FHDC1: variants seen among roughly 807,000 people sequenced by gnomAD.
FHDC1 encodes FH2 domain containing 1.
A neutral mutation model predicts 52.6 loss-of-function variants in FHDC1; 25 were observed. The ratio of observed to expected loss-of-function variants is 0.48; its 90% confidence interval spans 0.35 to 0.66. The LOEUF (loss-of-function observed/expected upper bound fraction) is 0.66. Ranked by LOEUF, FHDC1 falls within the 30% of genes least tolerant of loss-of-function variation. The probability of loss-of-function intolerance (pLI) is 0.01; values close to 1 mark genes in which losing one functional copy is unlikely to be tolerated. For synonymous variants in FHDC1, 616 were observed against 581.5 expected (o/e 1.06, Z -0.85); for missense variants, 1,459 against 1,452.8 (o/e 1.00, Z -0.07).
chr4:152,966,049 A>G (rs1740446633), intron 9 of FHDC1, among the ~76,000 whole-genome samples: 2 of 152,242 alleles, frequency 1.3e-5, no homozygotes, highest in South Asian at 4.1e-4. Flanking sequence ...CTCTAAAAAG[A>G]ATGGACATCT....
chr4:152,912,477 C>G, the FHDC1 span: 3 of 152,214 alleles, frequency 2.0e-5, no homozygotes, highest in South Asian at 6.2e-4. Flanking sequence ...GGTTATAGTC[C>G]TAGAAGTGAA....
At chr4:152,921,584 TCCTCCCTCCCTC>T in the FHDC1 span, among the ~76,000 whole-genome samples, 95 of 133,378 alleles carry the variant, frequency 7.1e-4, no homozygotes, top group African/African-American at 9.4e-4. Flanking sequence ...CTTCCTTCCT[TCCTCCCTCCCTC>T]CCTCCCTCCC....
rs199815161 is a variant in FHDC1, at chr4:152,953,520, C to T, written c.520C>T (p.Arg174Trp). The change falls in exon 3 of 12, where the codon CGG becomes TGG. Residue 174 changes from arginine to tryptophan, a missense_variant. By Grantham distance (101) the Arg-to-Trp change is moderately radical (BLOSUM62 -3). Around this residue, in one of 3 missense-constraint regions of FHDC1, gnomAD observed 513 missense variants for 581.5 expected, o/e 0.88. Coordinates refer to ENST00000511601, the MANE Select transcript of FHDC1 (RefSeq NM_001371116.1). ...CCAGATTACTATTTTGGATGCAAAACGGAGCATGAACATTGGGATATTTCT... is the reference window on the plus strand; with the variant it reads ...CCAGATTACTATTTTGGATGCAAAATGGAGCATGAACATTGGGATATTTCT... ...REEITILDAK[R>W]SMNIGIFLKQ... 150 of 1,612,038 alleles carry T rather than the reference C, an allele frequency of 9.3e-5. No individual in the cohort carries two copies. The highest frequency in any genetic ancestry group is 5.6e-4 in the African/African-American group (42 of 74,840).
the FHDC1 span, among the ~76,000 whole-genome samples, chr4:152,921,584 TCCTCCCTCCCTCCCTC>T: frequency 6.0e-5 from 8 of 133,456 alleles, no homozygotes; most frequent in Non-Finnish European, 9.5e-5. Flanking sequence ...CTTCCTTCCT[TCCTCCCTCCCTCCCTC>T]CCTCCCTCCC....
rs771439911 is a variant in FHDC1 at position 152,976,664 on chromosome 4, C to T, written c.3373C>T (p.Arg1125Cys). ...AGGGGCTGGGGAAAGGGCCTCCCTC[C>T]GTCGGAAGGACTCCAGTCGGACCAC... Reference protein sequence around the residue: ...ARGAGERASLRRKDSSRTTLG... With the variant: ...ARGAGERASLCRKDSSRTTLG... The change falls in exon 12 of 12, where the codon CGT (arginine) becomes TGT (cysteine). Residue 1125 changes from arginine to cysteine, a missense_variant. Physicochemically the swap from Arg to Cys is radical, Grantham distance 180. Around this residue, in one of 3 missense-constraint regions of FHDC1, gnomAD observed 939 missense variants for 854.5 expected, o/e 1.10. Transcript: ENST00000511601. The T allele has an allele frequency of 5.1e-6, 8 of 1,569,652 alleles. No individual in the cohort carries two copies. Among genetic ancestry groups the T allele is most frequent in the African/African-American group, 1.4e-5 (1 of 73,460 alleles).
In FHDC1 at chr4:152,975,193, C is replaced by T. The variant is rs1740812962; in HGVS notation, c.1902C>T (p.Phe634=). 5 of 1,613,236 alleles carry T rather than the reference C, an allele frequency of 3.1e-6. No individual in the cohort carries two copies. The highest frequency in any genetic ancestry group is 4.2e-6 in the Non-Finnish European group (5 of 1,180,006). ...AAQPENHASA[F]PRARRQGVSV... is the part of the protein sequence containing the mutation. ...AGCCTGAGAACCATGCCTCTGCCTT[C>T]CCCAGAGCTCGGCGCCAGGGCGTCA... Residue 634 remains phenylalanine, a synonymous_variant, in exon 12 of 12, where the codon TTC becomes TTT. Coordinates refer to ENST00000511601, the MANE Select transcript of FHDC1 (RefSeq NM_001371116.1).
At chr4:152,917,772 C>G in the FHDC1 span, among the ~76,000 whole-genome samples, 1 of 152,184 alleles carries the variant, frequency 6.6e-6, no homozygotes, top group Non-Finnish European at 1.5e-5. Context: ...CCGCCTGATT[C>G]CACTAACACC....
intron 4 of FHDC1, among the ~76,000 whole-genome samples, chr4:152,960,302 A>C (rs1316223563): frequency 6.6e-6 from 1 of 152,106 alleles, no homozygotes; most frequent in Non-Finnish European, 1.5e-5. Context: ...TGCTGGCTCC[A>C]GCTCTCCAGT....
At chr4:152,926,305 A>AC in the FHDC1 span, among the ~76,000 whole-genome samples, 34 of 113,056 alleles carry the variant, frequency 3.0e-4, no homozygotes, top group African/African-American at 9.9e-4. Context: ...CACACACACA[A>AC]ACAATACACA....
chr4:152,969,654 T>G (rs1740573091), intron 10 of FHDC1, among the ~76,000 whole-genome samples: 1 of 151,922 alleles, frequency 6.6e-6, no homozygotes, highest in African/African-American at 2.4e-5. Context: ...TTACACTTCT[T>G]TCTGGCAGTC....
At chr4:152,952,088 C>T (rs1041021961) in intron 2 of FHDC1, among the ~76,000 whole-genome samples, 1 of 152,118 alleles carries the variant, frequency 6.6e-6, no homozygotes, top group Non-Finnish European at 1.5e-5. Flanking sequence ...GTATACAGCA[C>T]AAGATTTTTC....
At chr4:152,945,479 C>A (rs558046709) in intron 2 of FHDC1, among the ~76,000 whole-genome samples, 1 of 152,062 alleles carries the variant, frequency 6.6e-6, no homozygotes, top group East Asian at 1.9e-4. Context: ...TTTTTTGAGA[C>A]AGAGTCTCAT....
chr4:152,942,784 C>T, intron 1 of FHDC1, 144 bp from the exon 2 acceptor site: 1 of 394,110 alleles, frequency 2.5e-6, no homozygotes, highest in South Asian at 7.6e-5. Flanking sequence ...GCGTTGGGTC[C>T]TTGTAATGCA....
At chr4:152,918,125 G>C in the FHDC1 span, among the ~76,000 whole-genome samples, 3 of 152,160 alleles carry the variant, frequency 2.0e-5, no homozygotes, top group Non-Finnish European at 4.4e-5. Flanking sequence ...CTGTCTTCAA[G>C]TTTTCAAGCT....
intron 10 of FHDC1, among the ~76,000 whole-genome samples, chr4:152,971,256 C>T (rs556177087): frequency 6.6e-5 from 10 of 151,996 alleles, no homozygotes; most frequent in South Asian, 4.2e-4. Context: ...CTCAGGAGGC[C>T]GAGGTGGGAG....
At chr4:152,914,296 A>G in the FHDC1 span, among the ~76,000 whole-genome samples, 3 of 152,186 alleles carry the variant, frequency 2.0e-5, no homozygotes, top group African/African-American at 7.2e-5. Context: ...GGGCCTTTAT[A>G]ATAAATTGCC....
At chr4:152,972,626 A>T in intron 11 of FHDC1, 85 bp downstream of exon 11, 1 of 1,446,142 alleles carries the variant, frequency 6.9e-7, no homozygotes, top group Non-Finnish European at 9.2e-7. Flanking sequence ...CACCACAGAA[A>T]GGCACTTTGC....
chr4:152,948,960 G>A (rs1031169801), intron 2 of FHDC1, among the ~76,000 whole-genome samples: 4 of 151,934 alleles, frequency 2.6e-5, no homozygotes, highest in East Asian at 3.9e-4. Flanking sequence ...ATGGTGGCTC[G>A]TGCCTGTAGT....
At chr4:152,965,104 C>T in intron 9 of FHDC1, 129 bp downstream of exon 9, 1 of 840,752 alleles carries the variant, frequency 1.2e-6, no homozygotes, top group East Asian at 2.6e-5. Context: ...GACTGTCCTT[C>T]ATTTGCTTAA....
Sources: gnomAD v4.1 joint callset for allele counts (sites outside exome capture counted in the v4.1 genomes callset) on GRCh38, gnomAD v4.1.1 for gene constraint, gnomAD v4.1.1 regional missense constraint, MANE v1.5 for transcripts, NCBI Gene and HGNC (gene_info 2026-07-23, HGNC 2026-07-21) for gene names.